Variants in TRABD2B observed in about 807,000 individuals in gnomAD.
The protein encoded by TRABD2B is metalloprotease TIKI2.
TRABD2B carries 14 observed loss-of-function variants against 40.1 expected under a neutral mutation model. The observed-to-expected ratio is 0.35, with a 90% CI of 0.23 to 0.55. The LOEUF is 0.55. Among genes scored for constraint, TRABD2B ranks in the 20% least tolerant of loss-of-function variants. The pLI, the probability that TRABD2B is intolerant of heterozygous loss-of-function variation, is 0.90. For missense variants in TRABD2B, 541 were observed against 648.6 expected (o/e 0.83, Z 1.80); for synonymous variants, 263 against 277.0 (o/e 0.95, Z 0.50).
intron 2 of TRABD2B, among the ~76,000 whole-genome samples, chr1:47,897,833 T>A (rs1644545343): frequency 6.6e-6 from 1 of 152,240 alleles, no homozygotes; most frequent in African/African-American, 2.4e-5. Flanking sequence ...AAGCTGGAAC[T>A]GACCATATCT....
Position 47,932,276 on chromosome 1 carries a change from G to A in TRABD2B, c.666+61758C>T, listed in dbSNP as rs541577011. ...TGGATTCAAGGCCATGGAGCTGGGT[G>A]GGATTCCCTGGAGTATAGCTACAGA... On this transcript the variant is annotated intron_variant, in intron 2 of 6. Coordinates refer to ENST00000606738, the MANE Select transcript of TRABD2B (RefSeq NM_001194986.2). Among the ~76,000 whole-genome samples the A allele has an allele frequency of 5.9e-5, 9 of 152,286 alleles. No homozygotes were observed. In the East Asian group the frequency reaches 1.5e-3, roughly 26 times the overall value.
chr1:47,907,041 G>A (rs779872837), intron 2 of TRABD2B, among the ~76,000 whole-genome samples: 15 of 152,240 alleles, frequency 9.9e-5, no homozygotes, highest in Non-Finnish European at 2.1e-4. Flanking sequence ...GCCCGTGCGA[G>A]CACCAGCCGG....
intron 2 of TRABD2B, among the ~76,000 whole-genome samples, chr1:47,908,489 T>G (rs1319483297): frequency 6.6e-6 from 1 of 152,254 alleles, no homozygotes; most frequent in East Asian, 1.9e-4. Flanking sequence ...ACCTCCAGAG[T>G]TGATGCAAGG....
intron 2 of TRABD2B, among the ~76,000 whole-genome samples, chr1:47,896,336 G>A (rs774274594): frequency 4.6e-5 from 7 of 152,140 alleles, no homozygotes; most frequent in Non-Finnish European, 1.0e-4. Flanking sequence ...AGGGAGGCAG[G>A]GATGGGGCTG....
chr1:47,943,864 G>T (rs2148367556), intron 2 of TRABD2B, among the ~76,000 whole-genome samples: 1 of 151,760 alleles, frequency 6.6e-6, no homozygotes, highest in Admixed American at 6.6e-5. Context: ...GAATTTACTG[G>T]AACTCAACCA....
rs1644248960 is a variant in TRABD2B, at chr1:47,761,998, G to A, written c.*3904C>T. 6.6e-6 allele frequency: 1 copy of A among 152,108 alleles called. No individual in the cohort carries two copies. 9.4% of individuals were successfully genotyped at this position (152,108 alleles called of 1,614,324 possible). A position where few individuals can be genotyped will look rare whatever the true frequency, so the allele number is the denominator to read the frequency against. On this transcript the variant is annotated 3_prime_UTR_variant, in exon 7 of 7. Transcript: ENST00000606738. ...TTAAGCTGCTCACAGTCCGAGAGGA[G>A]CAGATACACACTAGATAGTCACAAC...
At chr1:47,925,916 T>C (rs1200236841) in intron 2 of TRABD2B, among the ~76,000 whole-genome samples, 1 of 152,252 alleles carries the variant, frequency 6.6e-6, no homozygotes, top group Admixed American at 6.5e-5. Context: ...TATTTATATC[T>C]TTATTTTCTT....
chr1:47,994,407 G>T lies in TRABD2B; in HGVS notation c.293C>A (p.Ala98Asp). 6.5e-7 allele frequency: 1 copy of T among 1,536,178 alleles called. No individual in the cohort carries two copies. The highest frequency in any genetic ancestry group is 8.7e-7 in the Non-Finnish European group (1 of 1,146,928). The change falls in exon 2 of 7, where the codon GCC (alanine) becomes GAC (aspartate). Residue 98 changes from alanine (A) to aspartate (D), a missense_variant. By Grantham distance (126) the Ala-to-Asp change is moderately radical. Transcript: ENST00000606738. This position sits in a 1 kb window ranked among gnomAD's most constrained non-coding sequence, Gnocchi z 6.7. ...CCCGTGCGGCAGCAGCTGGCAGCTG[G>T]CCAGGGCCGAGATGGTGTAGGGGTC... is the stretch of plus-strand genomic sequence containing the variant. ...LTDPYTISAL[A>D]SCQLLPHGEN...
In TRABD2B at chr1:47,896,392, C is replaced by T. The variant is rs569401686; in HGVS notation, c.667-94773G>A. ...AGAAACTCTGGGTTCAACAGAGTCACGCAGCCCACTCCACACTGATGATGC... is the reference window on the plus strand; with the variant it reads ...AGAAACTCTGGGTTCAACAGAGTCATGCAGCCCACTCCACACTGATGATGC... On this transcript the variant is annotated intron_variant, in intron 2 of 6. Transcript: ENST00000606738. 2.0e-5 allele frequency among the ~76,000 whole-genome samples: 3 copies of T among 152,224 alleles called. No homozygotes were observed. In the South Asian group the frequency reaches 6.2e-4, roughly 32 times the overall value.
intron 2 of TRABD2B, among the ~76,000 whole-genome samples, chr1:47,937,420 T>C (rs1645127424): frequency 6.6e-6 from 1 of 151,998 alleles, no homozygotes; most frequent in African/African-American, 2.4e-5. Context: ...ACTACCATCA[T>C]GATCATCACC....
intron 2 of TRABD2B, among the ~76,000 whole-genome samples, chr1:47,972,999 A>T (rs758527738): frequency 2.2e-4 from 33 of 152,314 alleles, no homozygotes; most frequent in Admixed American, 1.2e-3. Flanking sequence ...CACCTTGTGT[A>T]TGCCTTATCT....
intron 4 of TRABD2B, among the ~76,000 whole-genome samples, chr1:47,778,841 T>A (rs1215984893): frequency 1.3e-5 from 2 of 152,156 alleles, no homozygotes; most frequent in Non-Finnish European, 2.9e-5. Context: ...GTGAGGATTA[T>A]AAAAAACAGC....
At chr1:47,846,857 T>TACACACACACACACACACACAC (rs67359073) in intron 2 of TRABD2B, among the ~76,000 whole-genome samples, 9 of 106,504 alleles carry the variant, frequency 8.5e-5, no homozygotes, top group South Asian at 5.4e-4. Context: ...AAAACATGCA[T>TACACACACACACACACACACAC]ACACACACAC....
chr1:47,780,530 G>A (rs370630761), intron 4 of TRABD2B, among the ~76,000 whole-genome samples: 21 of 152,190 alleles, frequency 1.4e-4, no homozygotes, highest in East Asian at 9.7e-4. Flanking sequence ...CCTGTAATCC[G>A]GGCACTAAGT....
At chr1:47,953,114 T>C (rs1645369903) in intron 2 of TRABD2B, among the ~76,000 whole-genome samples, 1 of 152,100 alleles carries the variant, frequency 6.6e-6, no homozygotes, top group African/African-American at 2.4e-5. Flanking sequence ...CTCCTGACAG[T>C]GCATAATTGA....
chr1:47,990,562 A>G (rs1219732566), intron 2 of TRABD2B, among the ~76,000 whole-genome samples: 3 of 151,620 alleles, frequency 2.0e-5, no homozygotes, highest in African/African-American at 7.3e-5. Context: ...CCTGCCCTGG[A>G]GCCAGCCTAG....
At chr1:47,915,838 G>A (rs1644823127) in intron 2 of TRABD2B, among the ~76,000 whole-genome samples, 1 of 152,176 alleles carries the variant, frequency 6.6e-6, no homozygotes, top group East Asian at 1.9e-4. Flanking sequence ...TGCAGGGTAA[G>A]CCCTGTCGTG....
intron 2 of TRABD2B, among the ~76,000 whole-genome samples, chr1:47,925,364 AAAG>A (rs1162770514): frequency 2.0e-5 from 3 of 152,244 alleles, no homozygotes; most frequent in East Asian, 1.9e-4. Context: ...CAAGGATATG[AAAG>A]AAGATTTTTT....
chr1:47,786,450 C>G (rs2124157642), intron 4 of TRABD2B, among the ~76,000 whole-genome samples: 1 of 152,336 alleles, frequency 6.6e-6, no homozygotes, highest in Non-Finnish European at 1.5e-5. Context: ...AGGGACAAGC[C>G]AGGAGGGGAT....
Sources: gnomAD v4.1 joint callset for allele counts (sites outside exome capture counted in the v4.1 genomes callset) on GRCh38, gnomAD v4.1.1 for gene constraint, Gnocchi (gnomAD v3.1) non-coding constraint, MANE v1.5 for transcripts, NCBI Gene and HGNC (gene_info 2026-07-23, HGNC 2026-07-21) for gene names.